TTC34: variants seen among roughly 807,000 people sequenced by gnomAD.
TTC34 encodes tetratricopeptide repeat domain 34, also known as tetratricopeptide repeat protein 34.
A neutral mutation model predicts 40.7 loss-of-function variants in TTC34; 44 were observed. The ratio of observed to expected loss-of-function variants is 1.08; its 90% CI spans 0.85 to 1.39. TTC34 has a LOEUF of 1.39. Ranked by LOEUF, TTC34 falls within the 40% of genes most tolerant of loss-of-function variation. The pLI is 0.00. For synonymous variants in TTC34, 422 were observed against 398.6 expected (o/e 1.06, Z -0.70); for missense variants, 884 against 838.0 (o/e 1.05, Z -0.68).
intron 6 of TTC34, among the ~76,000 whole-genome samples, chr1:2,748,094 T>C (rs1403595368): frequency 7.9e-3 from 58 of 7,372 alleles, no homozygotes; most frequent in African/African-American, 0.01. Flanking sequence ...AGGTGAGCAT[T>C]TGACCTCCCA....
intron 6 of TTC34, among the ~76,000 whole-genome samples, chr1:2,778,660 G>A (rs1238147039): frequency 6.6e-6 from 1 of 152,224 alleles, no homozygotes; most frequent in Admixed American, 6.5e-5. Context: ...GGCAACACCT[G>A]GGCATATCCC....
At chr1:2,771,558 A>C (rs113403891) in intron 6 of TTC34, among the ~76,000 whole-genome samples, 324 of 28,630 alleles carry the variant, frequency 0.011, no homozygotes, top group South Asian at 0.019. Flanking sequence ...GGAGCAGCAC[A>C]CACAACCCCA....
At chr1:2,749,077 C>A (rs1387992077) in intron 6 of TTC34, among the ~76,000 whole-genome samples, 2 of 120,832 alleles carry the variant, frequency 1.7e-5, no homozygotes, top group East Asian at 2.3e-4. Flanking sequence ...GAGCAGCACC[C>A]ACAACCCCAG....
intron 6 of TTC34, among the ~76,000 whole-genome samples, chr1:2,686,000 C>A (rs1224468155): frequency 1.3e-3 from 157 of 119,924 alleles, no homozygotes; most frequent in Non-Finnish European, 1.6e-3. Flanking sequence ...GCACCCACAC[C>A]CCCAGGTGAG....
intron 8 of TTC34, among the ~76,000 whole-genome samples, chr1:2,642,463 G>GT (rs1638926536): frequency 6.6e-6 from 1 of 152,178 alleles, no homozygotes; most frequent in Admixed American, 6.5e-5. Context: ...TGGACGGAGG[G>GT]CACAGCCTGT....
At chr1:2,638,524 C>A (rs1638834897) in exon 9 of TTC34, 1 of 152,172 alleles carries the variant, frequency 6.6e-6, no homozygotes, top group South Asian at 2.1e-4. Context: ...GGGCCACCCT[C>A]CGTCCCAGCC....
chr1:2,791,844 G>A (rs1643666443), intron 2 of TTC34, among the ~76,000 whole-genome samples: 1 of 151,804 alleles, frequency 6.6e-6, no homozygotes. Context: ...TTACACACAC[G>A]AGACTTTGAT....
intron 6 of TTC34, among the ~76,000 whole-genome samples, chr1:2,782,032 G>A (rs1261899079): frequency 1.3e-5 from 2 of 152,174 alleles, no homozygotes; most frequent in Non-Finnish European, 2.9e-5. Context: ...ATGAGTCTGA[G>A]GAAGTGTTCC....
At chr1:2,677,731 C>CAA (rs1366336367) in intron 6 of TTC34, among the ~76,000 whole-genome samples, 2 of 94,362 alleles carry the variant, frequency 2.1e-5, no homozygotes, top group Non-Finnish European at 4.6e-5. Flanking sequence ...GCACCCTGCA[C>CAA]CCCCAGGTGA....
At position 2,796,262 on chromosome 1, in the gene TTC34, AAT is replaced by A. The variant is rs1219397886; in HGVS notation, c.784+3780_784+3781del. On this transcript the variant is annotated intron_variant, in intron 2 of 8. Coordinates refer to ENST00000401095, the Ensembl canonical transcript of TTC34. The surrounding 1 kb of genome is among the most constrained non-coding windows in gnomAD (Gnocchi z 4.5). ...CACAAATGGAGCGACTGGTTTGTGC[AAT>A]GTTTCCAAGGACTTTGGAAAGTAAC... Among the ~76,000 whole-genome samples the A allele has an allele frequency of 6.6e-6, 1 of 152,202 alleles. No individual in the cohort carries two copies. The highest frequency in any genetic ancestry group is 1.5e-5 in the Non-Finnish European group (1 of 68,044).
intron 1 of TTC34, among the ~76,000 whole-genome samples, chr1:2,801,122 C>T (rs117179786): frequency 2.0e-5 from 3 of 152,174 alleles, no homozygotes; most frequent in African/African-American, 7.2e-5. Context: ...CAGTGGCCTC[C>T]CCCAGCTCAG....
chr1:2,650,768 C>T (rs928723268), intron 6 of TTC34, among the ~76,000 whole-genome samples: 1 of 151,682 alleles, frequency 6.6e-6, no homozygotes, highest in African/African-American at 2.4e-5. Flanking sequence ...ATCTGAAACC[C>T]TGGATCAGCT....
In TTC34 at chr1:2,645,318, G is replaced by C; in HGVS notation, c.2472C>G (p.Leu824=). ...CCTGTGCCATGAGAATGTCTGCCAG[G>C]AGGAGGTGCCAGTGCGGTTGCCCTG... Residue 824 remains leucine, a synonymous_variant, in exon 7 of 9, where the codon CTC becomes CTG. Coordinates refer to ENST00000401095, the Ensembl canonical transcript of TTC34. This position sits in a 1 kb window ranked among gnomAD's most constrained non-coding sequence, Gnocchi z 4.7. 1 of 1,506,560 alleles carries C rather than the reference G, an allele frequency of 6.6e-7. No individual in the cohort carries two copies. Among genetic ancestry groups the C allele is most frequent in the South Asian group, 1.2e-5 (1 of 80,698 alleles). 93.3% of individuals were successfully genotyped at this position (1,506,560 alleles called of 1,614,324 possible). A position where few individuals can be genotyped will look rare whatever the true frequency, so the allele number is the denominator to read the frequency against.
At chr1:2,675,099 C>A (rs1570787351) in intron 6 of TTC34, among the ~76,000 whole-genome samples, 3 of 9,992 alleles carry the variant, frequency 3.0e-4, no homozygotes, top group African/African-American at 7.1e-4. Context: ...GAGCATCTGA[C>A]AGCCTGGAGC....
At chr1:2,643,134 C>T (rs1216503038) in intron 8 of TTC34, among the ~76,000 whole-genome samples, 1 of 152,186 alleles carries the variant, frequency 6.6e-6, no homozygotes, top group African/African-American at 2.4e-5. Context: ...CCCCAGGCCG[C>T]CCCAGTGGGG....
chr1:2,791,813 C>T (rs958034296), intron 2 of TTC34, among the ~76,000 whole-genome samples: 4 of 151,984 alleles, frequency 2.6e-5, no homozygotes, highest in Admixed American at 2.0e-4. Flanking sequence ...GGTGATCTCT[C>T]CTCTCTTTCC....
intron 6 of TTC34, among the ~76,000 whole-genome samples, chr1:2,677,466 GAAC>G (rs1639947968): frequency 2.1e-5 from 2 of 95,276 alleles, no homozygotes; most frequent in South Asian, 3.9e-4. Flanking sequence ...GCGAGCATCT[GAAC>G]ACACGGAGCA....
rs1339833535 is a variant in TTC34 at position 2,748,861 on chromosome 1, C to T, written c.2226+34748G>A. Among the ~76,000 whole-genome samples the T allele has an allele frequency of 9.1e-4, 3 of 3,284 alleles. 1 individual carries two copies. The highest frequency in any genetic ancestry group is 1.5e-3 in the Non-Finnish European group (3 of 1,986). 2.2% of individuals were successfully genotyped at this position (3,284 alleles called of 152,430 possible). The stretch of plus-strand genomic sequence containing the variant: ...CACAAACCCAGGTGAGCATCTGATG[C>T]TTTGGAGCAGCACCCACACCTTCAG... On this transcript the variant is annotated intron_variant, in intron 6 of 8. Transcript: ENST00000401095.
chr1:2,683,842 G>A (rs1640195057), intron 6 of TTC34, among the ~76,000 whole-genome samples: 2 of 151,438 alleles, frequency 1.3e-5, no homozygotes, highest in Admixed American at 6.6e-5. Flanking sequence ...ACCCCCAGGT[G>A]AACATCCGAC....
Sources: gnomAD v4.1 joint callset for allele counts (sites outside exome capture counted in the v4.1 genomes callset) on GRCh38, gnomAD v4.1.1 for gene constraint, Gnocchi (gnomAD v3.1) non-coding constraint, MANE v1.5 for transcripts, NCBI Gene and HGNC (gene_info 2026-07-23, HGNC 2026-07-21) for gene names.